ENTREP2: variants seen among roughly 807,000 people sequenced by gnomAD.
The protein encoded by ENTREP2 is endosomal transmembrane epsin interactor 2, also known as protein ENTREP2.
chr15:29,638,606 G>A, the ENTREP2 span, among the ~76,000 whole-genome samples: 1 of 152,196 alleles, frequency 6.6e-6, no homozygotes, highest in African/African-American at 2.4e-5. Context: ...GCTGGGTGTG[G>A]TGGTTCACAC....
At chr15:29,275,714 A>G in the ENTREP2 span, among the ~76,000 whole-genome samples, 1 of 152,216 alleles carries the variant, frequency 6.6e-6, no homozygotes, top group African/African-American at 2.4e-5. Flanking sequence ...AACTCTAATC[A>G]TCTTTATTAT....
At chr15:29,326,730 G>T in the ENTREP2 span, among the ~76,000 whole-genome samples, 1 of 151,938 alleles carries the variant, frequency 6.6e-6, no homozygotes, top group Admixed American at 6.6e-5. Flanking sequence ...ATATGAAGAG[G>T]CCAAAGACCT....
chr15:29,416,975 C>T, the ENTREP2 span, among the ~76,000 whole-genome samples: 1 of 152,158 alleles, frequency 6.6e-6, no homozygotes, highest in Non-Finnish European at 1.5e-5. Flanking sequence ...GGATGGCGAT[C>T]ATTAAAAAGT....
the ENTREP2 span, among the ~76,000 whole-genome samples, chr15:29,442,721 C>T: frequency 2.0e-5 from 3 of 152,190 alleles, no homozygotes; most frequent in Non-Finnish European, 4.4e-5. Context: ...CCCGTGCCCC[C>T]CGACCTGGAA....
the ENTREP2 span, among the ~76,000 whole-genome samples, chr15:29,429,190 T>TATCCATCCATCCATCC: frequency 6.7e-6 from 1 of 149,160 alleles, no homozygotes; most frequent in Non-Finnish European, 1.5e-5. Context: ...GATGTCTATC[T>TATCCATCCATCCATCC]ATCCATCCAT....
the ENTREP2 span, among the ~76,000 whole-genome samples, chr15:29,642,385 AG>A: frequency 6.6e-6 from 1 of 151,380 alleles, no homozygotes; most frequent in Non-Finnish European, 1.5e-5. Context: ...ACCATTCAAT[AG>A]GGGGGAGAGA....
At chr15:29,648,768 T>C in the ENTREP2 span, among the ~76,000 whole-genome samples, 1 of 151,740 alleles carries the variant, frequency 6.6e-6, no homozygotes, top group Non-Finnish European at 1.5e-5. Context: ...CGAAACCCCA[T>C]CTCTACTAAA....
the ENTREP2 span, among the ~76,000 whole-genome samples, chr15:29,648,517 GTACAGCAAACAT>G: frequency 3.9e-5 from 6 of 152,168 alleles, no homozygotes; most frequent in Non-Finnish European, 8.8e-5. Flanking sequence ...CAGGACTATA[GTACAGCAAACAT>G]GAAGTCGAGT....
At chr15:29,624,872 TG>T in the ENTREP2 span, among the ~76,000 whole-genome samples, 1 of 37,404 alleles carries the variant, frequency 2.7e-5, no homozygotes, top group Non-Finnish European at 4.6e-5. Flanking sequence ...TGCATTAATT[TG>T]TGTGTGTGTG....
the ENTREP2 span, among the ~76,000 whole-genome samples, chr15:29,529,876 G>C: frequency 6.6e-6 from 1 of 152,128 alleles, no homozygotes. Context: ...TGAATCTCAG[G>C]AAAACCGAAG....
At chr15:29,295,731 C>T in the ENTREP2 span, among the ~76,000 whole-genome samples, 1 of 152,148 alleles carries the variant, frequency 6.6e-6, no homozygotes, top group African/African-American at 2.4e-5. Context: ...ACCATCCTGG[C>T]TACTAAGTGA....
At chr15:29,464,938 G>A in the ENTREP2 span, among the ~76,000 whole-genome samples, 4 of 152,152 alleles carry the variant, frequency 2.6e-5, no homozygotes, top group Non-Finnish European at 5.9e-5. Context: ...AAAGCGAACA[G>A]ATGAATTTAT....
the ENTREP2 span, among the ~76,000 whole-genome samples, chr15:29,335,079 C>T: frequency 1.3e-5 from 2 of 152,190 alleles, no homozygotes; most frequent in Non-Finnish European, 2.9e-5. Context: ...CTCCAGCCAT[C>T]AGTGAGGGTT....
At chr15:29,343,630 T>C in the ENTREP2 span, among the ~76,000 whole-genome samples, 1 of 152,036 alleles carries the variant, frequency 6.6e-6, no homozygotes, top group East Asian at 1.9e-4. Flanking sequence ...CTCTCATTGG[T>C]TCTGTTACTC....
chr15:29,569,148 G>C, the ENTREP2 span, among the ~76,000 whole-genome samples: 3 of 152,284 alleles, frequency 2.0e-5, no homozygotes, highest in African/African-American at 7.2e-5. Flanking sequence ...CATGGCTCCC[G>C]TGTGCTTGCC....
At chr15:29,162,146 G>A in the ENTREP2 span, among the ~76,000 whole-genome samples, 4 of 152,170 alleles carry the variant, frequency 2.6e-5, no homozygotes, top group Non-Finnish European at 4.4e-5. Context: ...AGGAAGCAGC[G>A]GGAAAGGCCC....
the ENTREP2 span, among the ~76,000 whole-genome samples, chr15:29,297,881 T>C: frequency 6.6e-6 from 1 of 152,086 alleles, no homozygotes; most frequent in Non-Finnish European, 1.5e-5. Context: ...TTTAAAAAAA[T>C]CCAACAAAAC....
chr15:29,644,055 G>A, the ENTREP2 span, among the ~76,000 whole-genome samples: 1 of 152,114 alleles, frequency 6.6e-6, no homozygotes, highest in South Asian at 2.1e-4. Context: ...ACCAACTGAT[G>A]TATGAATAAA....
the ENTREP2 span, among the ~76,000 whole-genome samples, chr15:29,161,136 G>C: frequency 9.2e-3 from 1,398 of 152,290 alleles, 19 homozygotes; most frequent in African/African-American, 0.031. Flanking sequence ...AGCATGCCCT[G>C]AAGTTCCTGC....
Sources: allele counts gnomAD v4.1 joint callset (sites outside exome capture counted in the v4.1 genomes callset), GRCh38; gene constraint gnomAD v4.1.1; transcripts MANE v1.5; gene names NCBI Gene and HGNC (gene_info 2026-07-23, HGNC 2026-07-21).